CNTNAP2: variants seen among roughly 807,000 people sequenced by gnomAD.
CNTNAP2 encodes the protein contactin-associated protein-like 2.
In CNTNAP2, 98 loss-of-function variants were observed where a neutral mutation model predicts 155.2. The observed-to-expected ratio is 0.63, with a 90% CI of 0.54 to 0.75. The LOEUF (loss-of-function observed/expected upper bound fraction) is 0.75. Ranked by LOEUF, CNTNAP2 falls within the 30% of genes least tolerant of loss-of-function variation. The pLI is 0.00. For missense variants in CNTNAP2, 1,727 were observed against 1,688.1 expected, an observed-to-expected ratio of 1.02 and a Z score of -0.40; for synonymous variants, 651 against 631.2, an observed-to-expected ratio of 1.03 and a Z score of -0.47.
intron 13 of CNTNAP2, among the ~76,000 whole-genome samples, chr7:147,699,491 C>T (rs1320966749): frequency 1.3e-5 from 2 of 151,934 alleles, no homozygotes; most frequent in Admixed American, 6.6e-5. Flanking sequence ...AGGAGAAATA[C>T]CTAATGTAGA....
intron 1 of CNTNAP2, among the ~76,000 whole-genome samples, chr7:146,144,107 C>T (rs867205914): frequency 3.4e-4 from 51 of 152,196 alleles, no homozygotes; most frequent in African/African-American, 1.2e-3. Flanking sequence ...GTCACACTTT[C>T]CCCACACACA....
At chr7:148,341,285 A>ATT (rs34289027) in intron 21 of CNTNAP2, among the ~76,000 whole-genome samples, 15 of 150,358 alleles carry the variant, frequency 1.0e-4, no homozygotes, top group African/African-American at 1.2e-4. Flanking sequence ...TTTTTTTTTA[A>ATT]TTTTTTTTTT....
chr7:148,179,279 T>A (rs553357333), intron 18 of CNTNAP2, among the ~76,000 whole-genome samples: 3 of 151,960 alleles, frequency 2.0e-5, no homozygotes, highest in African/African-American at 7.2e-5. Context: ...GAGGCCAAGG[T>A]GGGAAGATCA....
intron 1 of CNTNAP2, among the ~76,000 whole-genome samples, chr7:146,669,237 A>C (rs1800254044): frequency 6.6e-6 from 1 of 152,202 alleles, no homozygotes; most frequent in Non-Finnish European, 1.5e-5. Flanking sequence ...GGGATGTAGT[A>C]GAAGCAGTTT....
At chr7:147,616,797 T>A (rs916368839) in intron 12 of CNTNAP2, among the ~76,000 whole-genome samples, 1 of 152,186 alleles carries the variant, frequency 6.6e-6, no homozygotes, top group African/African-American at 2.4e-5. Context: ...GATGATGGAT[T>A]TTATATCGTG....
At chr7:147,390,169 C>G (rs1199472464) in intron 9 of CNTNAP2, among the ~76,000 whole-genome samples, 1 of 152,154 alleles carries the variant, frequency 6.6e-6, no homozygotes, top group Non-Finnish European at 1.5e-5. Context: ...TATCAGAGAT[C>G]CAACATCTTT....
intron 14 of CNTNAP2, among the ~76,000 whole-genome samples, chr7:147,971,801 A>G (rs1391314828): frequency 6.6e-6 from 1 of 152,172 alleles, no homozygotes; most frequent in Non-Finnish European, 1.5e-5. Flanking sequence ...TGTCTCTTGT[A>G]TAGATATCCA....
At chr7:146,567,320 C>G (rs1032202272) in intron 1 of CNTNAP2, among the ~76,000 whole-genome samples, 18 of 151,944 alleles carry the variant, frequency 1.2e-4, no homozygotes, top group African/African-American at 4.4e-4. Flanking sequence ...CTTAAAGGAT[C>G]ACATGTTAAA....
intron 9 of CNTNAP2, among the ~76,000 whole-genome samples, chr7:147,390,988 C>G (rs1043119059): frequency 6.6e-6 from 1 of 152,036 alleles, no homozygotes; most frequent in African/African-American, 2.4e-5. Context: ...ATTCCAGGAC[C>G]TCATTGTCTA....
At chr7:148,154,770 T>A (rs958211099) in intron 17 of CNTNAP2, among the ~76,000 whole-genome samples, 1 of 152,038 alleles carries the variant, frequency 6.6e-6, no homozygotes, top group African/African-American at 2.4e-5. Context: ...ATTTCTGTCT[T>A]TACTAAAGAT....
chr7:148,008,427 CT>C (rs2116902189), intron 15 of CNTNAP2, among the ~76,000 whole-genome samples: 1 of 152,238 alleles, frequency 6.6e-6, no homozygotes, highest in African/African-American at 2.4e-5. Context: ...AAAGTGTTTT[CT>C]TTGATTAAAA....
intron 15 of CNTNAP2, among the ~76,000 whole-genome samples, chr7:148,008,860 C>A (rs1003421113): frequency 6.6e-6 from 1 of 152,208 alleles, no homozygotes. Context: ...AGCCAATTCT[C>A]CCTTCTCGTG....
rs542174884 is a variant in CNTNAP2, at chr7:147,930,056, C to G, written c.2255+26335C>G. ...TCCTGCTGCATGGCCTGGTTCCTAA[C>G]AGGCCACAGACTGGTACCGGTCCAT... On this transcript the variant is annotated intron_variant, in intron 14 of 23. Transcript: ENST00000361727. Among the ~76,000 whole-genome samples the G allele has an allele frequency of 3.5e-3, 536 of 152,078 alleles. 5 individuals carry two copies. Among genetic ancestry groups the G allele is most frequent in the African/African-American group, 0.013 (521 of 41,462 alleles).
chr7:146,676,668 A>G (rs344458), intron 1 of CNTNAP2, among the ~76,000 whole-genome samples: 7,475 of 152,208 alleles, frequency 0.049, 661 homozygotes, highest in African/African-American at 0.17. Flanking sequence ...TCTCAGTTCT[A>G]CATGGCTAGG....
intron 1 of CNTNAP2, among the ~76,000 whole-genome samples, chr7:146,264,489 AAAAGT>A (rs1391829905): frequency 6.6e-6 from 1 of 152,094 alleles, no homozygotes; most frequent in Non-Finnish European, 1.5e-5. Flanking sequence ...GAAAGAAAAG[AAAAGT>A]AATCTATCCA....
chr7:147,631,333 A>G (rs1795081576), intron 12 of CNTNAP2, among the ~76,000 whole-genome samples: 1 of 152,204 alleles, frequency 6.6e-6, no homozygotes, highest in African/African-American at 2.4e-5. Flanking sequence ...GAAATCATTA[A>G]TGACACAAAC....
At chr7:146,961,598 A>G (rs548858920) in intron 3 of CNTNAP2, among the ~76,000 whole-genome samples, 4 of 152,180 alleles carry the variant, frequency 2.6e-5, no homozygotes, top group African/African-American at 9.6e-5. Flanking sequence ...ATATTATGTC[A>G]TATATTGGTG....
At chr7:147,699,379 T>A (rs773711987) in intron 13 of CNTNAP2, among the ~76,000 whole-genome samples, 1 of 151,750 alleles carries the variant, frequency 6.6e-6, no homozygotes, top group Non-Finnish European at 1.5e-5. Flanking sequence ...ATGCTCTCAC[T>A]CATAAGTGGG....
intron 9 of CNTNAP2, among the ~76,000 whole-genome samples, chr7:147,344,737 C>T (rs1795820945): frequency 6.6e-6 from 1 of 152,086 alleles, no homozygotes; most frequent in African/African-American, 2.4e-5. Context: ...GGATTAACAG[C>T]ATCCATTATT....
Sources: allele counts gnomAD v4.1 joint callset (sites outside exome capture counted in the v4.1 genomes callset), GRCh38; gene constraint gnomAD v4.1.1; transcripts MANE v1.5; gene names NCBI Gene and HGNC (gene_info 2026-07-23, HGNC 2026-07-21).